ATP8A1: variants seen among roughly 807,000 people sequenced by gnomAD.
ATP8A1 encodes ATPase phospholipid transporting 8A1.
A neutral mutation model predicts 177.7 loss-of-function variants in ATP8A1; 90 were observed. The ratio of observed to expected loss-of-function variants is 0.51; its 90% confidence interval spans 0.43 to 0.60. ATP8A1 has a LOEUF of 0.60. Among genes scored for constraint, ATP8A1 ranks in the 20% least tolerant of loss-of-function variants. The pLI is 0.00. For missense variants in ATP8A1, 1,072 were observed against 1,392.8 expected, an observed-to-expected ratio of 0.77 and a Z score of 3.67; for synonymous variants, 493 against 485.9, an observed-to-expected ratio of 1.01 and a Z score of -0.19.
At chr4:42,500,815 T>C (rs1723785707) in intron 24 of ATP8A1, among the ~76,000 whole-genome samples, 2 of 152,208 alleles carry the variant, frequency 1.3e-5, no homozygotes. Flanking sequence ...TAGTTTGGTC[T>C]TATGTATTTA....
chr4:42,408,478 A>C lies in ATP8A1; in HGVS notation c.*4438T>G, dbSNP rs1320421845. On this transcript the variant is annotated 3_prime_UTR_variant, in exon 37 of 37. Coordinates refer to ENST00000381668, the MANE Select transcript of ATP8A1 (RefSeq NM_006095.2). Reference sequence around the variant, plus strand: ...CACATTCACAAAAGGCCAATGACACATAACACTGCATAGAAATAATATTAC... The same window carrying C: ...CACATTCACAAAAGGCCAATGACACCTAACACTGCATAGAAATAATATTAC... 6.6e-6 allele frequency: 1 copy of C among 152,234 alleles called. No homozygotes were observed. Among genetic ancestry groups the C allele is most frequent in the Non-Finnish European group, 1.5e-5 (1 of 68,040 alleles). The allele number at this position is 152,234 out of a possible 1,614,324, so 9.4% of individuals were successfully genotyped here.
intron 20 of ATP8A1, among the ~76,000 whole-genome samples, chr4:42,536,761 C>T (rs978947181): frequency 6.6e-6 from 1 of 152,192 alleles, no homozygotes; most frequent in Non-Finnish European, 1.5e-5. Context: ...AAGTGGGTTT[C>T]ATACCAGGGA....
intron 6 of ATP8A1, among the ~76,000 whole-genome samples, chr4:42,598,305 C>T (rs1015284906): frequency 6.6e-6 from 1 of 151,990 alleles, no homozygotes; most frequent in Admixed American, 6.6e-5. Context: ...ATAATTTTTG[C>T]CTCCTTTTTC....
intron 16 of ATP8A1, among the ~76,000 whole-genome samples, chr4:42,554,992 G>A (rs771683003): frequency 6.6e-6 from 1 of 152,122 alleles, no homozygotes. Flanking sequence ...TCAGCTTTGG[G>A]ACTTGGACTG....
At chr4:42,483,090 C>T (rs1010131423) in intron 25 of ATP8A1, among the ~76,000 whole-genome samples, 1 of 152,138 alleles carries the variant, frequency 6.6e-6, no homozygotes, top group Non-Finnish European at 1.5e-5. Context: ...GAATGATACA[C>T]AGAATGGCCC....
intron 25 of ATP8A1, among the ~76,000 whole-genome samples, chr4:42,482,155 T>C (rs182200021): frequency 2.7e-3 from 410 of 150,028 alleles, no homozygotes; most frequent in African/African-American, 8.9e-3. Flanking sequence ...TACAAAAAAT[T>C]AGCTGGGCAT....
At chr4:42,545,218 C>T (rs1315017897) in intron 19 of ATP8A1, among the ~76,000 whole-genome samples, 1 of 151,850 alleles carries the variant, frequency 6.6e-6, no homozygotes, top group Non-Finnish European at 1.5e-5. Flanking sequence ...CCATAATGCT[C>T]CTGGTATTAC....
chr4:42,465,184 G>C, intron 25 of ATP8A1, 108 bp from the exon 26 acceptor site: 1 of 942,128 alleles, frequency 1.1e-6, no homozygotes. Flanking sequence ...ATAGTTCTCT[G>C]AAGAAACCTT....
At chr4:42,483,748 G>C (rs76864992) in intron 25 of ATP8A1, among the ~76,000 whole-genome samples, 1,903 of 152,260 alleles carry the variant, frequency 0.012, 43 homozygotes, top group African/African-American at 0.043. Flanking sequence ...ACTGTGTTAA[G>C]CAATGCTTTA....
intron 27 of ATP8A1, among the ~76,000 whole-genome samples, chr4:42,457,319 TGA>T (rs1000753238): frequency 6.6e-6 from 1 of 152,214 alleles, no homozygotes; most frequent in Non-Finnish European, 1.5e-5. Flanking sequence ...ACATTTGGCC[TGA>T]GATGTGGATT....
intron 23 of ATP8A1, among the ~76,000 whole-genome samples, chr4:42,504,328 C>T (rs73165721): frequency 0.042 from 6,369 of 152,290 alleles, 174 homozygotes; most frequent in South Asian, 0.095. Context: ...TCAAAGTCAG[C>T]CTACTCAAAA....
At chr4:42,640,031 T>C (rs924301809) in intron 1 of ATP8A1, among the ~76,000 whole-genome samples, 1 of 152,236 alleles carries the variant, frequency 6.6e-6, no homozygotes, top group African/African-American at 2.4e-5. Flanking sequence ...CTGAATACTT[T>C]TGATCCATGA....
chr4:42,575,125 T>C (rs1276567866), intron 13 of ATP8A1, among the ~76,000 whole-genome samples: 2 of 152,230 alleles, frequency 1.3e-5, no homozygotes, highest in Non-Finnish European at 2.9e-5. Flanking sequence ...AATTCTGGAC[T>C]AGATGCTATT....
chr4:42,593,859 C>T (rs1306272567), intron 6 of ATP8A1, among the ~76,000 whole-genome samples: 1 of 151,752 alleles, frequency 6.6e-6, no homozygotes, highest in East Asian at 1.9e-4. Flanking sequence ...GGCATAATGG[C>T]AAAAAGAATC....
intron 4 of ATP8A1, among the ~76,000 whole-genome samples, chr4:42,619,874 T>G (rs558323064): frequency 1.3e-5 from 2 of 152,186 alleles, no homozygotes; most frequent in African/African-American, 4.8e-5. Context: ...GGCCAAAACA[T>G]AGAAGAACTG....
At chr4:42,500,920 G>A (rs1410377104) in intron 24 of ATP8A1, among the ~76,000 whole-genome samples, 2 of 152,030 alleles carry the variant, frequency 1.3e-5, no homozygotes, top group African/African-American at 4.8e-5. Context: ...AAGCCCAGTG[G>A]AATTTCTTCG....
rs1213338550 is a variant in ATP8A1 at position 42,411,748 on chromosome 4, AC to A, written c.*1167del. On this transcript the variant is annotated 3_prime_UTR_variant, in exon 37 of 37. Coordinates refer to ENST00000381668, the MANE Select transcript of ATP8A1 (RefSeq NM_006095.2). Reference sequence around the variant, plus strand: ...CGCATTTTTTAAATGGGGAAAATGTACTACCTATTTGTCCCAATAAGCAGCA... The same window carrying A: ...CGCATTTTTTAAATGGGGAAAATGTATACCTATTTGTCCCAATAAGCAGCA... The A allele has an allele frequency of 3.3e-5, 5 of 152,210 alleles. No homozygotes were observed. Among genetic ancestry groups the A allele is most frequent in the African/African-American group, 7.2e-5 (3 of 41,446 alleles). 9.4% of individuals were successfully genotyped at this position (152,210 alleles called of 1,614,324 possible).
intron 24 of ATP8A1, among the ~76,000 whole-genome samples, chr4:42,496,047 G>A (rs996966536): frequency 1.1e-4 from 17 of 152,188 alleles, no homozygotes; most frequent in Admixed American, 1.0e-3. Context: ...AAGTTGTAGT[G>A]CTGGGTAAAT....
intron 25 of ATP8A1, among the ~76,000 whole-genome samples, chr4:42,479,468 C>T (rs1380406564): frequency 6.6e-6 from 1 of 152,218 alleles, no homozygotes; most frequent in Non-Finnish European, 1.5e-5. Context: ...CTTTCCCACA[C>T]AATGAGGTCA....
Sources: allele counts gnomAD v4.1 joint callset (sites outside exome capture counted in the v4.1 genomes callset), GRCh38; gene constraint gnomAD v4.1.1; transcripts MANE v1.5; gene names NCBI Gene and HGNC (gene_info 2026-07-23, HGNC 2026-07-21).